The following VAV3 variants were observed in gnomAD, a reference collection of about 807,000 sequenced individuals.
VAV3 encodes guanine nucleotide exchange factor VAV3.
A neutral mutation model predicts 131.2 loss-of-function variants in VAV3; 94 were observed. That is an observed-to-expected ratio of 0.72 (90% CI 0.61 to 0.85). The LOEUF is 0.85. Among genes scored for constraint, VAV3 ranks in the 40% least tolerant of loss-of-function variants. The probability of loss-of-function intolerance (pLI) is 0.00; values close to 1 mark genes in which losing one functional copy is unlikely to be tolerated. For synonymous variants in VAV3, 349 were observed against 342.0 expected (o/e 1.02, Z -0.22); for missense variants, 939 against 1,002.7 (o/e 0.94, Z 0.86).
intron 2 of VAV3, among the ~76,000 whole-genome samples, chr1:107,834,287 G>A (rs1334635979): frequency 6.6e-6 from 1 of 152,072 alleles, no homozygotes; most frequent in South Asian, 2.1e-4. Context: ...AATGTCTTTA[G>A]TACCCAATGT....
intron 5 of VAV3, among the ~76,000 whole-genome samples, chr1:107,772,170 T>A (rs1308542350): frequency 6.6e-6 from 1 of 152,182 alleles, no homozygotes; most frequent in East Asian, 1.9e-4. Flanking sequence ...AAGTAATCCT[T>A]TCTGAATGTT....
At chr1:107,774,674 A>C (rs915981516) in intron 4 of VAV3, among the ~76,000 whole-genome samples, 3 of 152,186 alleles carry the variant, frequency 2.0e-5, no homozygotes, top group African/African-American at 2.4e-5. Context: ...TGTACAGTGT[A>C]GCCATTACCT....
chr1:107,918,230 T>C (rs1672715999), intron 1 of VAV3, among the ~76,000 whole-genome samples: 1 of 152,106 alleles, frequency 6.6e-6, no homozygotes, highest in Non-Finnish European at 1.5e-5. Flanking sequence ...GAAAGGGACA[T>C]GCTGGAAATG....
chr1:107,605,411 T>C (rs996268068), intron 22 of VAV3, among the ~76,000 whole-genome samples: 9 of 152,192 alleles, frequency 5.9e-5, no homozygotes, highest in Admixed American at 1.3e-4. Flanking sequence ...CTCCCACTGC[T>C]TCCTCGCTTT....
intron 3 of VAV3, 92 bp from the exon 4 acceptor site, chr1:107,777,388 T>A: frequency 8.6e-7 from 1 of 1,167,692 alleles, no homozygotes; most frequent in Non-Finnish European, 1.3e-6. Flanking sequence ...ACTAAATATG[T>A]AAGTTGTCTG....
chr1:107,770,568 C>T, intron 6 of VAV3, 68 bp downstream of exon 6: 2 of 1,009,788 alleles, frequency 2.0e-6, no homozygotes, highest in Non-Finnish European at 3.1e-6. Context: ...TCAGAAGAAA[C>T]AGTGAGTCTA....
intron 2 of VAV3, among the ~76,000 whole-genome samples, chr1:107,788,095 T>A (rs1265348477): frequency 1.3e-5 from 2 of 152,200 alleles, no homozygotes; most frequent in African/African-American, 4.8e-5. Context: ...GCCTCTGCTA[T>A]GTCTCGGCCC....
chr1:107,906,331 C>A (rs1195800360), intron 1 of VAV3, among the ~76,000 whole-genome samples: 1 of 152,170 alleles, frequency 6.6e-6, no homozygotes, highest in Non-Finnish European at 1.5e-5. Context: ...GCAAGGAACA[C>A]ATGTCAACAT....
intron 2 of VAV3, among the ~76,000 whole-genome samples, chr1:107,788,858 T>C (rs1022152117): frequency 7.2e-5 from 11 of 152,196 alleles, no homozygotes; most frequent in African/African-American, 2.4e-4. Flanking sequence ...AAGCAGATAG[T>C]AGAGAGAATA....
chr1:107,655,533 C>T (rs566467640), intron 19 of VAV3, among the ~76,000 whole-genome samples: 5 of 152,130 alleles, frequency 3.3e-5, no homozygotes, highest in Admixed American at 6.5e-5. Context: ...AAGAAAACCT[C>T]ACAGAAATGC....
At chr1:107,579,115 T>A (rs1042180704) in intron 25 of VAV3, among the ~76,000 whole-genome samples, 3 of 152,194 alleles carry the variant, frequency 2.0e-5, no homozygotes, top group African/African-American at 7.2e-5. Flanking sequence ...AGCCTTATCA[T>A]CATTCGCATT....
chr1:107,803,829 C>T (rs1666936524), intron 2 of VAV3, among the ~76,000 whole-genome samples: 1 of 151,896 alleles, frequency 6.6e-6, no homozygotes, highest in African/African-American at 2.4e-5. Flanking sequence ...GATGATTAAT[C>T]CATTATTGAG....
At chr1:107,686,472 G>A (rs1659036570) in intron 18 of VAV3, among the ~76,000 whole-genome samples, 1 of 152,148 alleles carries the variant, frequency 6.6e-6, no homozygotes, top group Admixed American at 6.5e-5. Context: ...CTTATGAGAA[G>A]ATTCCTGAGC....
intron 15 of VAV3, among the ~76,000 whole-genome samples, chr1:107,747,556 T>G (rs1313944639): frequency 6.6e-6 from 1 of 152,164 alleles, no homozygotes; most frequent in Non-Finnish European, 1.5e-5. Flanking sequence ...CCAAATGCAA[T>G]TATTATTAAT....
rs563634767 is a variant in VAV3 at position 107,826,446 on chromosome 1, GATA to G, written c.322-46957_322-46955del. Among the ~76,000 whole-genome samples, 296 of 152,274 alleles carry G rather than the reference GATA, an allele frequency of 1.9e-3. 3 individuals are homozygous for G. The highest frequency in any genetic ancestry group is 6.8e-3 in the African/African-American group (284 of 41,564). On this transcript the variant is annotated intron_variant, in intron 2 of 26. Coordinates refer to ENST00000370056, the MANE Select transcript of VAV3 (RefSeq NM_006113.5). ...GTTGAGCTTTATATTTGTAAACAGC[GATA>G]ATAAGAATATGAGCCCTCCTGCATT... is the stretch of plus-strand genomic sequence containing the variant.
chr1:107,672,541 ATGTC>A, intron 19 of VAV3, among the ~76,000 whole-genome samples: 1 of 152,124 alleles, frequency 6.6e-6, no homozygotes, highest in South Asian at 2.1e-4. Context: ...CATAAATAAA[ATGTC>A]TGTAACTTTG....
chr1:107,659,776 T>C (rs545334418), intron 19 of VAV3, among the ~76,000 whole-genome samples: 7 of 152,268 alleles, frequency 4.6e-5, no homozygotes, highest in African/African-American at 1.7e-4. Flanking sequence ...GAAGGCTTCT[T>C]TTTATACATG....
At position 107,749,499 on chromosome 1, in the gene VAV3, A is replaced by C. The variant is rs1304538582; in HGVS notation, c.1355T>G (p.Ile452Arg). 3 of 1,611,370 alleles carry C rather than the reference A, an allele frequency of 1.9e-6. No homozygotes were observed. Among genetic ancestry groups the C allele is most frequent in the South Asian group, 1.1e-5 (1 of 90,304 alleles). ...KEIIDLQQYK[I>R]ANNPTTDKEN... The stretch of plus-strand genomic sequence containing the variant: ...TTTATCGGTTGTAGGATTATTGGCT[A>C]TCTTGTACTGCTGAAGATCTATTAT... Residue 452 changes from isoleucine to arginine, a missense_variant, in exon 14 of 27, where the codon ATA becomes AGA. Ile to Arg is a moderately conservative substitution (Grantham distance 97). Transcript: ENST00000370056.
chr1:107,826,244 G>A (rs1668007963), intron 2 of VAV3, among the ~76,000 whole-genome samples: 1 of 152,008 alleles, frequency 6.6e-6, no homozygotes, highest in Admixed American at 6.6e-5. Flanking sequence ...GTTATAATAG[G>A]CAAGCTGGAG....
Sources: gnomAD v4.1 joint callset for allele counts (sites outside exome capture counted in the v4.1 genomes callset) on GRCh38, gnomAD v4.1.1 for gene constraint, MANE v1.5 for transcripts, NCBI Gene and HGNC (gene_info 2026-07-23, HGNC 2026-07-21) for gene names.